Variants in GLG1 observed in about 807,000 individuals in gnomAD.
GLG1 encodes the protein golgi glycoprotein 1, also known as Golgi apparatus protein 1.
A neutral mutation model predicts 160.5 loss-of-function variants in GLG1; 38 were observed. The observed-to-expected ratio is 0.24, with a 90% CI of 0.18 to 0.31. The LOEUF (loss-of-function observed/expected upper bound fraction) is 0.31. GLG1 is among the 10% of genes least tolerant of loss of function. GLG1 has a pLI of 1.00. For synonymous variants in GLG1, 644 were observed against 543.4 expected, an observed-to-expected ratio of 1.19 and a Z score of -2.57; for missense variants, 1,373 against 1,505.2, an observed-to-expected ratio of 0.91 and a Z score of 1.45.
At chr16:74,586,309 T>C (rs889900203) in intron 1 of GLG1, among the ~76,000 whole-genome samples, 2 of 152,138 alleles carry the variant, frequency 1.3e-5, no homozygotes, top group Admixed American at 1.3e-4. Flanking sequence ...GGGTTTTTTA[T>C]GGAAGTTAGT....
At chr16:74,454,116 G>A (rs1043266651) in intron 25 of GLG1, among the ~76,000 whole-genome samples, 2 of 151,776 alleles carry the variant, frequency 1.3e-5, no homozygotes, top group African/African-American at 4.8e-5. Flanking sequence ...CTCGTGATCC[G>A]CCCACCTCGG....
At position 74,448,210 on chromosome 16, in the gene GLG1, G is replaced by C. The variant is rs1173168743; in HGVS notation, c.*4957C>G. 6.6e-6 allele frequency: 1 copy of C among 152,318 alleles called. No homozygotes were observed. The highest frequency in any genetic ancestry group is 1.5e-5 in the Non-Finnish European group (1 of 68,118). 9.4% of individuals were successfully genotyped at this position (152,318 alleles called of 1,614,324 possible). On this transcript the variant is annotated 3_prime_UTR_variant, in exon 26 of 26. Coordinates refer to ENST00000422840, the MANE Select transcript of GLG1 (RefSeq NM_001145667.2). ...CTGAAGTCTGTGGAGGAAGGACCAAGAAGGGGTGCAGTTAGAGGGATGAGC... is the reference window on the plus strand; with the variant it reads ...CTGAAGTCTGTGGAGGAAGGACCAACAAGGGGTGCAGTTAGAGGGATGAGC...
At chr16:74,530,606 C>T (rs1391456982) in intron 2 of GLG1, among the ~76,000 whole-genome samples, 2 of 151,710 alleles carry the variant, frequency 1.3e-5, no homozygotes, top group Non-Finnish European at 2.9e-5. Flanking sequence ...TAAATACACA[C>T]ATCCTTATCA....
At chr16:74,469,799 C>T (rs550076370) in intron 16 of GLG1, 186 bp downstream of exon 16, 5 of 589,796 alleles carry the variant, frequency 8.5e-6, no homozygotes, top group South Asian at 8.2e-5. Context: ...CATGTGAGAA[C>T]TACCATCGCC....
intron 15 of GLG1, among the ~76,000 whole-genome samples, chr16:74,470,315 T>G (rs1460338808): frequency 1.3e-4 from 17 of 135,220 alleles, no homozygotes; most frequent in Non-Finnish European, 2.2e-4. Flanking sequence ...CCTCCCTCCC[T>G]CCTTCCTTCC....
In GLG1 at chr16:74,452,296, G is replaced by T. The variant is rs1489900934; in HGVS notation, c.*871C>A. ...CAGCAGGGCCGGTCCAGACATGGCT[G>T]AGTCCTGTGCTGCCCTGGAGGAGGA... On this transcript the variant is annotated 3_prime_UTR_variant, in exon 26 of 26. Transcript: ENST00000422840. The T allele has an allele frequency of 2.1e-6, 3 of 1,440,982 alleles. No homozygotes were observed. Among genetic ancestry groups the T allele is most frequent in the Admixed American group, 5.0e-5 (2 of 39,680 alleles). The allele number at this position is 1,440,982 out of a possible 1,614,324, so 89.3% of individuals were successfully genotyped here. A position where few individuals can be genotyped will look rare whatever the true frequency, so the allele number is the denominator to read the frequency against.
chr16:74,572,663 A>C (rs910188080), intron 1 of GLG1, among the ~76,000 whole-genome samples: 3 of 152,160 alleles, frequency 2.0e-5, no homozygotes, highest in African/African-American at 7.2e-5. Context: ...ACCTCGCCCT[A>C]TGCACCTCTT....
intron 4 of GLG1, among the ~76,000 whole-genome samples, chr16:74,501,393 CA>C (rs2016399692): frequency 6.6e-6 from 1 of 152,184 alleles, no homozygotes; most frequent in Non-Finnish European, 1.5e-5. Flanking sequence ...GATTAAATGA[CA>C]AAAGTGTCAT....
In GLG1 at chr16:74,574,883, CAAA is replaced by C. The variant is rs531720341; in HGVS notation, c.438+31771_438+31773del. Among the ~76,000 whole-genome samples the C allele has an allele frequency of 1.6e-3, 40 of 24,780 alleles. No individual in the cohort carries two copies. The South Asian group carries it at 0.022, about 13-fold the overall frequency. The allele number at this position is 24,780 out of a possible 152,430, so 16.3% of individuals were successfully genotyped here. ...TGGGTAAGAGAGCAAGACTCTGTCTCAAAAAAAAAAAAAAAAAAAAAAAAAAAA... is the reference window on the plus strand; with the variant it reads ...TGGGTAAGAGAGCAAGACTCTGTCTCAAAAAAAAAAAAAAAAAAAAAAAAA... On this transcript the variant is annotated intron_variant, in intron 1 of 25. Transcript: ENST00000422840.
intron 1 of GLG1, among the ~76,000 whole-genome samples, chr16:74,545,812 T>C (rs1267127135): frequency 1.3e-5 from 2 of 152,224 alleles, no homozygotes; most frequent in African/African-American, 2.4e-5. Context: ...TTAGGAAATG[T>C]TTCATGCCTA....
At chr16:74,510,021 A>G (rs2016751886) in intron 2 of GLG1, among the ~76,000 whole-genome samples, 2 of 127,420 alleles carry the variant, frequency 1.6e-5, no homozygotes, top group Admixed American at 9.1e-5. Context: ...CACATACACT[A>G]TAAGGTCTAC....
At position 74,450,923 on chromosome 16, in the gene GLG1, G is replaced by A. The variant is rs997702050; in HGVS notation, c.*2244C>T. 6.6e-6 allele frequency: 1 copy of A among 151,830 alleles called. No homozygotes were observed. The highest frequency in any genetic ancestry group is 1.5e-5 in the Non-Finnish European group (1 of 68,012). 9.4% of individuals were successfully genotyped at this position (151,830 alleles called of 1,614,324 possible). On this transcript the variant is annotated 3_prime_UTR_variant, in exon 26 of 26. Transcript: ENST00000422840. ...TTCCAAATCTGCAGACAACGAATGG[G>A]ATTTTCTCTCAATTCAGAAAGAACA...
At chr16:74,596,889 G>C (rs1958316199) in intron 1 of GLG1, among the ~76,000 whole-genome samples, 1 of 152,230 alleles carries the variant, frequency 6.6e-6, no homozygotes, top group Admixed American at 6.5e-5. Context: ...GGCCAAGGCA[G>C]GAGGACTGCT....
chr16:74,489,784 C>CA (rs2015918927), intron 8 of GLG1, among the ~76,000 whole-genome samples: 1 of 152,192 alleles, frequency 6.6e-6, no homozygotes, highest in Non-Finnish European at 1.5e-5. Context: ...CACACACACA[C>CA]AGACACACGT....
intron 1 of GLG1, among the ~76,000 whole-genome samples, chr16:74,595,183 G>A (rs190189443): frequency 2.5e-4 from 38 of 150,166 alleles, no homozygotes; most frequent in Admixed American, 2.1e-3. Flanking sequence ...GCAAGAATCC[G>A]TCTCAAAAAA....
chr16:74,541,128 A>T (rs1567512998), intron 1 of GLG1, among the ~76,000 whole-genome samples: 1 of 152,096 alleles, frequency 6.6e-6, no homozygotes, highest in Non-Finnish European at 1.5e-5. Context: ...GTTCGAGACC[A>T]GCCTGGCCAA....
At chr16:74,594,695 G>A (rs1958259495) in intron 1 of GLG1, among the ~76,000 whole-genome samples, 1 of 152,100 alleles carries the variant, frequency 6.6e-6, no homozygotes, top group African/African-American at 2.4e-5. Flanking sequence ...CATAAATTAG[G>A]CATTCGGAAG....
intron 1 of GLG1, among the ~76,000 whole-genome samples, chr16:74,547,916 G>A (rs569853148): frequency 0.01 from 1,530 of 152,290 alleles, 16 homozygotes; most frequent in Middle Eastern, 0.027. Flanking sequence ...GAAGAATTCA[G>A]AAATAAAAAA....
Position 74,496,490 on chromosome 16 carries a change from C to T in GLG1, c.929G>A (p.Arg310Gln). Residue 310 changes from arginine to glutamine, a missense_variant, in exon 5 of 26, where the codon CGG (arginine) becomes CAG (glutamine). This residue lies in a region of GLG1 where 174 missense variants were observed against 229.9 expected (regional missense o/e 0.76). Coordinates refer to ENST00000422840, the MANE Select transcript of GLG1 (RefSeq NM_001145667.2). ...ELSSDDFHLD[R>Q]HLYFACRDDR... is the part of the protein sequence containing the mutation. ...ATCTCGGCAAGCAAAATATAAATGC[C>T]GGTCTAAGTGAAAGTCATCCGATGA... The T allele has an allele frequency of 6.2e-7, 1 of 1,613,922 alleles. No individual in the cohort carries two copies. Among genetic ancestry groups the T allele is most frequent in the Non-Finnish European group, 8.5e-7 (1 of 1,179,900 alleles).
Sources: allele counts gnomAD v4.1 joint callset (sites outside exome capture counted in the v4.1 genomes callset), GRCh38; gene constraint gnomAD v4.1.1; regional missense constraint gnomAD v4.1.1; transcripts MANE v1.5; gene names NCBI Gene and HGNC (gene_info 2026-07-23, HGNC 2026-07-21).